Variants in MARCHF1 observed in about 807,000 individuals in gnomAD.
The protein encoded by MARCHF1 is E3 ubiquitin-protein ligase MARCHF1.
In MARCHF1, 40 loss-of-function variants were observed where a neutral mutation model predicts 54.2. The observed-to-expected ratio is 0.74, with a 90% confidence interval of 0.57 to 0.96. The LOEUF is 0.96. MARCHF1 is among the 40% of genes least tolerant of loss of function. MARCHF1 has a pLI of 0.00. For missense variants in MARCHF1, 586 were observed against 656.5 expected, an observed-to-expected ratio of 0.89 and a Z score of 1.17; for synonymous variants, 236 against 236.3, an observed-to-expected ratio of 1.00 and a Z score of 0.01.
At chr4:164,382,552 G>T (rs1158123563) in intron 1 of MARCHF1, among the ~76,000 whole-genome samples, 1 of 152,114 alleles carries the variant, frequency 6.6e-6, no homozygotes, top group African/African-American at 2.4e-5. Context: ...TGTAGTGGAT[G>T]AAAACAGAAA....
chr4:163,591,290 C>G (rs1047041612), intron 7 of MARCHF1, among the ~76,000 whole-genome samples: 2 of 151,900 alleles, frequency 1.3e-5, no homozygotes, highest in African/African-American at 4.8e-5. Context: ...GACACCTTCC[C>G]TCTTTTAATA....
chr4:163,800,036 G>T (rs113980733), intron 4 of MARCHF1, among the ~76,000 whole-genome samples: 1 of 152,024 alleles, frequency 6.6e-6, no homozygotes, highest in African/African-American at 2.4e-5. Context: ...ATGCAGGAAC[G>T]GAAAACCAAA....
chr4:163,884,371 A>C lies in MARCHF1; in HGVS notation c.-38-30202T>G, dbSNP rs527766734. 3.3e-5 allele frequency among the ~76,000 whole-genome samples: 5 copies of C among 152,222 alleles called. No individual in the cohort carries two copies. In the East Asian group the frequency reaches 9.6e-4, roughly 29 times the overall value. On this transcript the variant is annotated intron_variant, in intron 3 of 9. Coordinates refer to ENST00000514618, the MANE Select transcript of MARCHF1 (RefSeq NM_001394959.1). Reference sequence around the variant, plus strand: ...ATGAGCTGTTTCCTTTTTTAGTTTAAAATGTATTATAATTTATGACTATAT... The same window carrying C: ...ATGAGCTGTTTCCTTTTTTAGTTTACAATGTATTATAATTTATGACTATAT...
At chr4:163,783,598 T>C (rs964421351) in intron 4 of MARCHF1, among the ~76,000 whole-genome samples, 7 of 152,230 alleles carry the variant, frequency 4.6e-5, no homozygotes, top group African/African-American at 1.7e-4. Flanking sequence ...TTTCCTTTTG[T>C]TTTCTTTGTT....
chr4:164,202,184 T>A (rs532131698), intron 1 of MARCHF1, among the ~76,000 whole-genome samples: 5 of 152,268 alleles, frequency 3.3e-5, no homozygotes, highest in African/African-American at 9.6e-5. Flanking sequence ...GATTTAGAGA[T>A]CAGGAAAGCT....
chr4:164,040,155 TA>T (rs1754094344), intron 2 of MARCHF1, among the ~76,000 whole-genome samples: 1 of 144,928 alleles, frequency 6.9e-6, no homozygotes, highest in Admixed American at 7.0e-5. Context: ...TAATTTTATA[TA>T]AATATATAAC....
intron 2 of MARCHF1, among the ~76,000 whole-genome samples, chr4:163,994,285 TGTGTGTGTGTGTGTGTGA>T (rs1165386303): frequency 6.6e-6 from 1 of 150,976 alleles, no homozygotes; most frequent in African/African-American, 2.4e-5. Context: ...TGTGTGTGTG[TGTGTGTGTGTGTGTGTGA>T]GTGTGGTGGG....
chr4:164,380,143 T>C (rs1428797586), intron 1 of MARCHF1, among the ~76,000 whole-genome samples: 1 of 152,212 alleles, frequency 6.6e-6, no homozygotes, highest in African/African-American at 2.4e-5. Flanking sequence ...AAATTATAAG[T>C]GCATTGACAA....
chr4:163,873,514 G>T (rs1469581917), intron 3 of MARCHF1, among the ~76,000 whole-genome samples: 1 of 152,134 alleles, frequency 6.6e-6, no homozygotes, highest in Non-Finnish European at 1.5e-5. Context: ...CATCCACAAG[G>T]TTCCTGATGG....
chr4:164,051,877 G>C (rs150481954), intron 2 of MARCHF1, among the ~76,000 whole-genome samples: 2 of 152,272 alleles, frequency 1.3e-5, no homozygotes, highest in East Asian at 3.9e-4. Flanking sequence ...GAATTCTATA[G>C]CTTAGAGGAC....
chr4:163,911,605 C>A (rs542357088), intron 3 of MARCHF1, among the ~76,000 whole-genome samples: 7 of 152,126 alleles, frequency 4.6e-5, no homozygotes, highest in Non-Finnish European at 1.0e-4. Flanking sequence ...TGGGCTGAAT[C>A]GTGTCACTCC....
intron 4 of MARCHF1, among the ~76,000 whole-genome samples, chr4:163,767,458 C>T (rs932598405): frequency 5.9e-5 from 9 of 152,078 alleles, no homozygotes; most frequent in Admixed American, 5.2e-4. Flanking sequence ...CTCAGCCTCC[C>T]GAGTAGCTGG....
intron 3 of MARCHF1, among the ~76,000 whole-genome samples, chr4:163,908,316 G>T (rs1751114906): frequency 6.6e-6 from 1 of 152,054 alleles, no homozygotes; most frequent in Non-Finnish European, 1.5e-5. Flanking sequence ...TTTGCCTCAT[G>T]CATTACTTAA....
chr4:164,030,203 T>C (rs1362234159), intron 2 of MARCHF1, among the ~76,000 whole-genome samples: 3 of 151,790 alleles, frequency 2.0e-5, no homozygotes, highest in Non-Finnish European at 2.9e-5. Context: ...AAAATCAAAA[T>C]AAACAAAAAT....
At position 163,817,304 on chromosome 4, in the gene MARCHF1, T is replaced by C. The variant is rs187646382; in HGVS notation, c.111+36717A>G. Among the ~76,000 whole-genome samples, 64 of 150,238 alleles carry C rather than the reference T, an allele frequency of 4.3e-4. 1 individual carries two copies. The East Asian group carries it at 7.1e-3, about 17-fold the overall frequency. ...GTTTGTGTGTATACATATACATACA[T>C]ACATATATATGTACATATACACATA... is the stretch of plus-strand genomic sequence containing the variant. On this transcript the variant is annotated intron_variant, in intron 4 of 9. Coordinates refer to ENST00000514618, the MANE Select transcript of MARCHF1 (RefSeq NM_001394959.1).
intron 1 of MARCHF1, among the ~76,000 whole-genome samples, chr4:164,153,822 A>G (rs1294503543): frequency 6.6e-6 from 1 of 152,204 alleles, no homozygotes; most frequent in Non-Finnish European, 1.5e-5. Flanking sequence ...AAGTCATAAA[A>G]AACAACATGT....
chr4:163,634,738 CA>C (rs547977126), intron 5 of MARCHF1, among the ~76,000 whole-genome samples: 51 of 149,318 alleles, frequency 3.4e-4, no homozygotes, highest in African/African-American at 1.2e-3. Flanking sequence ...AGCTCTGCAC[CA>C]AGCGGACCTA....
At chr4:163,848,216 T>A (rs979626951) in intron 4 of MARCHF1, among the ~76,000 whole-genome samples, 3 of 152,218 alleles carry the variant, frequency 2.0e-5, no homozygotes, top group Non-Finnish European at 4.4e-5. Context: ...TTCTCCTCTT[T>A]AATTTTTTTC....
At chr4:163,940,920 C>T (rs1579409056) in intron 3 of MARCHF1, among the ~76,000 whole-genome samples, 1 of 151,958 alleles carries the variant, frequency 6.6e-6, no homozygotes, top group Non-Finnish European at 1.5e-5. Context: ...TCAATAAATA[C>T]TTGTTTTCAT....
Sources: gnomAD v4.1 joint callset for allele counts (sites outside exome capture counted in the v4.1 genomes callset) on GRCh38, gnomAD v4.1.1 for gene constraint, MANE v1.5 for transcripts, NCBI Gene and HGNC (gene_info 2026-07-23, HGNC 2026-07-21) for gene names.